TRIM44: variants seen among roughly 807,000 people sequenced by gnomAD.
The protein encoded by TRIM44 is tripartite motif containing 44, also known as tripartite motif-containing protein 44.
Under a neutral mutation model 37.4 loss-of-function variants are expected in TRIM44, and 13 were observed. The observed-to-expected ratio is 0.35, with a 90% CI of 0.23 to 0.55. TRIM44 has a LOEUF of 0.55. Ranked by LOEUF, TRIM44 falls within the 20% of genes least tolerant of loss-of-function variation. The pLI is 0.89. For synonymous variants in TRIM44, 175 were observed against 157.2 expected, an observed-to-expected ratio of 1.11 and a Z score of -0.85; for missense variants, 426 against 437.2, an observed-to-expected ratio of 0.97 and a Z score of 0.23.
intron 4 of TRIM44, among the ~76,000 whole-genome samples, chr11:35,754,679 G>A (rs534872163): frequency 3.7e-4 from 43 of 115,318 alleles, no homozygotes; most frequent in Non-Finnish European, 6.2e-4. Flanking sequence ...AGCAGGCCCC[G>A]GTGTGTGATG....
chr11:35,690,054 C>G (rs575119928), intron 2 of TRIM44, among the ~76,000 whole-genome samples: 134 of 152,122 alleles, frequency 8.8e-4, no homozygotes, highest in Non-Finnish European at 1.8e-3. Context: ...AAACTTGAGC[C>G]AAGTGGCTCA....
chr11:35,705,489 C>T (rs1161566842), intron 2 of TRIM44, among the ~76,000 whole-genome samples: 2 of 152,140 alleles, frequency 1.3e-5, no homozygotes, highest in Admixed American at 6.5e-5. Context: ...ACACCTATTC[C>T]AAAATTGACC....
At chr11:35,793,466 A>T (rs568461593) in intron 4 of TRIM44, among the ~76,000 whole-genome samples, 1 of 152,278 alleles carries the variant, frequency 6.6e-6, no homozygotes, top group African/African-American at 2.4e-5. Flanking sequence ...CGGAGGTTGC[A>T]GTGAGCCAAG....
chr11:35,782,199 A>G (rs947563120), intron 4 of TRIM44, among the ~76,000 whole-genome samples: 1 of 152,162 alleles, frequency 6.6e-6, no homozygotes, highest in South Asian at 2.1e-4. Context: ...GGGTGGGGGG[A>G]ATCCTAATCC....
intron 4 of TRIM44, among the ~76,000 whole-genome samples, chr11:35,789,406 C>A (rs544805110): frequency 6.6e-6 from 1 of 152,126 alleles, no homozygotes; most frequent in Non-Finnish European, 1.5e-5. Context: ...GTGCTTCATA[C>A]AGCGTTTAAT....
chr11:35,761,848 T>C (rs1432011368), intron 4 of TRIM44, among the ~76,000 whole-genome samples: 1 of 152,230 alleles, frequency 6.6e-6, no homozygotes, highest in Non-Finnish European at 1.5e-5. Flanking sequence ...TATTTATTTT[T>C]GTTTAAAGTG....
At chr11:35,739,023 G>A (rs1852359274) in intron 4 of TRIM44, among the ~76,000 whole-genome samples, 1 of 152,178 alleles carries the variant, frequency 6.6e-6, no homozygotes, top group Non-Finnish European at 1.5e-5. Flanking sequence ...ACTAGCTGGA[G>A]TGTCTTGCCT....
chr11:35,774,682 A>G (rs1299202206), intron 4 of TRIM44, among the ~76,000 whole-genome samples: 1 of 152,220 alleles, frequency 6.6e-6, no homozygotes, highest in Middle Eastern at 3.2e-3. Context: ...AGCTTCCTAC[A>G]TATGGCTAGC....
chr11:35,688,314 G>A (rs926927212), intron 2 of TRIM44, among the ~76,000 whole-genome samples: 5 of 152,148 alleles, frequency 3.3e-5, no homozygotes, highest in African/African-American at 1.2e-4. Context: ...GAAGCCTATT[G>A]GGGAATGAGT....
chr11:35,706,744 G>A (rs1475120329), intron 2 of TRIM44, among the ~76,000 whole-genome samples: 1 of 151,736 alleles, frequency 6.6e-6, no homozygotes, highest in African/African-American at 2.4e-5. Flanking sequence ...AATAAATTAG[G>A]TATTGATGGG....
At chr11:35,704,644 A>T (rs1447358845) in intron 2 of TRIM44, among the ~76,000 whole-genome samples, 2 of 152,196 alleles carry the variant, frequency 1.3e-5, no homozygotes, top group Non-Finnish European at 2.9e-5. Context: ...ATCCAGAATT[A>T]CATATCCAGC....
chr11:35,749,056 G>T (rs967390981), intron 4 of TRIM44, among the ~76,000 whole-genome samples: 2 of 152,170 alleles, frequency 1.3e-5, no homozygotes, highest in Non-Finnish European at 2.9e-5. Flanking sequence ...GAGAGAGAGA[G>T]AGACAGAAAC....
Position 35,750,256 on chromosome 11 carries a change from A to G in TRIM44, c.1007+14811A>G, listed in dbSNP as rs565040296. Among the ~76,000 whole-genome samples the G allele has an allele frequency of 2.2e-4, 33 of 152,278 alleles. No homozygotes were observed. In the South Asian group the frequency reaches 6.6e-3, roughly 31 times the overall value. ...TCCTTGTTTTCATGGCGCTTACCAC[A>G]TTGTGAATGGTCTCTCCTCCACATT... is the stretch of plus-strand genomic sequence containing the variant. On this transcript the variant is annotated intron_variant, in intron 4 of 4. Coordinates refer to ENST00000299413, the MANE Select transcript of TRIM44 (RefSeq NM_017583.6).
chr11:35,663,144 A>G lies in TRIM44; in HGVS notation c.33A>G (p.Glu11=). ...CTGGAGTGGGCGCGGCCTTCGAGGA[A>G]CTGCCTCACGACGGCACGTGTGACG... MASGVGAAFE[E]LPHDGTCDEC... is the part of the protein sequence containing the mutation. Residue 11 remains glutamate, a synonymous_variant, in exon 1 of 5, where the codon GAA becomes GAG. Coordinates refer to ENST00000299413, the MANE Select transcript of TRIM44 (RefSeq NM_017583.6). 6.5e-7 allele frequency: 1 copy of G among 1,539,438 alleles called. No individual in the cohort carries two copies. Among genetic ancestry groups the G allele is most frequent in the Non-Finnish European group, 8.7e-7 (1 of 1,144,746 alleles).
At chr11:35,779,182 G>A (rs1053223026) in intron 4 of TRIM44, among the ~76,000 whole-genome samples, 3 of 152,168 alleles carry the variant, frequency 2.0e-5, no homozygotes, top group Non-Finnish European at 2.9e-5. Flanking sequence ...CTTGCAATTC[G>A]ATCTCTGACT....
intron 1 of TRIM44, among the ~76,000 whole-genome samples, chr11:35,683,316 G>T (rs866189973): frequency 6.6e-6 from 1 of 152,166 alleles, no homozygotes; most frequent in South Asian, 2.1e-4. Flanking sequence ...ATGGAAATGT[G>T]ATTTAAGCTG....
chr11:35,695,540 T>C (rs1165351388), intron 2 of TRIM44, among the ~76,000 whole-genome samples: 2 of 152,166 alleles, frequency 1.3e-5, no homozygotes, highest in African/African-American at 4.8e-5. Flanking sequence ...AATGATATGA[T>C]TCTGAAGTTA....
At chr11:35,666,304 A>G (rs1851331665) in intron 1 of TRIM44, among the ~76,000 whole-genome samples, 1 of 152,166 alleles carries the variant, frequency 6.6e-6, no homozygotes, top group Non-Finnish European at 1.5e-5. Flanking sequence ...ATCCCTTTAT[A>G]ATATGTCTTA....
chr11:35,756,386 C>G (rs566020298), intron 4 of TRIM44, among the ~76,000 whole-genome samples: 436 of 151,788 alleles, frequency 2.9e-3, no homozygotes, highest in African/African-American at 9.7e-3. Context: ...AGTTGCCTAT[C>G]AGCTTAAGGA....
Sources: allele counts gnomAD v4.1 joint callset (sites outside exome capture counted in the v4.1 genomes callset), GRCh38; gene constraint gnomAD v4.1.1; transcripts MANE v1.5; gene names NCBI Gene and HGNC (gene_info 2026-07-23, HGNC 2026-07-21).